SLC24A2: variants seen among roughly 807,000 people sequenced by gnomAD.
SLC24A2 encodes the protein solute carrier family 24 member 2.
SLC24A2 carries 36 observed loss-of-function variants against 62.0 expected under a neutral mutation model. The ratio of observed to expected loss-of-function variants is 0.58; its 90% CI spans 0.44 to 0.77. The LOEUF is 0.77. SLC24A2 is among the 30% of genes least tolerant of loss of function. The pLI, the probability that SLC24A2 is intolerant of heterozygous loss-of-function variation, is 0.00. For synonymous variants in SLC24A2, 358 were observed against 294.0 expected (o/e 1.22, Z -2.23); for missense variants, 846 against 817.9 (o/e 1.03, Z -0.42).
At chr9:19,775,086 G>T (rs1417745887) in intron 2 of SLC24A2, among the ~76,000 whole-genome samples, 1 of 152,192 alleles carries the variant, frequency 6.6e-6, no homozygotes, top group Non-Finnish European at 1.5e-5. Flanking sequence ...TAGTCCTGCT[G>T]ATGCAAAATT....
intron 6 of SLC24A2, among the ~76,000 whole-genome samples, chr9:19,573,811 G>A (rs1835927518): frequency 6.6e-6 from 1 of 152,022 alleles, no homozygotes; most frequent in Non-Finnish European, 1.5e-5. Flanking sequence ...TGCCTTTCTT[G>A]AGCCTAGGCA....
chr9:19,660,434 A>G (rs1362327753), intron 2 of SLC24A2, among the ~76,000 whole-genome samples: 1 of 152,180 alleles, frequency 6.6e-6, no homozygotes, highest in East Asian at 1.9e-4. Context: ...CTCTGGAAAT[A>G]ATTTAAAGTG....
chr9:19,513,794 T>G lies in SLC24A2; in HGVS notation c.*2359A>C, dbSNP rs1413005629. 1.3e-5 allele frequency: 2 copies of G among 152,162 alleles called. No homozygotes were observed. The highest frequency in any genetic ancestry group is 2.9e-5 in the Non-Finnish European group (2 of 68,016). 9.4% of individuals were successfully genotyped at this position (152,162 alleles called of 1,614,324 possible). A position where few individuals can be genotyped will look rare whatever the true frequency, so the allele number is the denominator to read the frequency against. Reference sequence around the variant, plus strand: ...ATATAAAATTCACACAATAACCAACTTGGTTGCCCTTCAAGAAATACACAG... The same window carrying G: ...ATATAAAATTCACACAATAACCAACGTGGTTGCCCTTCAAGAAATACACAG... On this transcript the variant is annotated 3_prime_UTR_variant, in exon 11 of 11. Coordinates refer to ENST00000341998, the MANE Select transcript of SLC24A2 (RefSeq NM_020344.4).
At chr9:19,815,961 T>C in the SLC24A2 span, among the ~76,000 whole-genome samples, 306 of 122,964 alleles carry the variant, frequency 2.5e-3, 2 homozygotes, top group African/African-American at 0.012. Context: ...TTTTGCCCCT[T>C]TTTTTTTTTT....
At chr9:20,226,560 T>C in the SLC24A2 span, among the ~76,000 whole-genome samples, 6 of 152,112 alleles carry the variant, frequency 3.9e-5, no homozygotes, top group East Asian at 1.9e-4. Flanking sequence ...AGAGATGAAT[T>C]GTGTGCCTAC....
intron 2 of SLC24A2, among the ~76,000 whole-genome samples, chr9:19,645,605 A>C (rs1818618516): frequency 6.6e-6 from 1 of 152,134 alleles, no homozygotes; most frequent in Non-Finnish European, 1.5e-5. Flanking sequence ...AGCACTTTCC[A>C]GGTGAGTTCC....
the SLC24A2 span, among the ~76,000 whole-genome samples, chr9:19,945,367 C>G: frequency 2.0e-5 from 3 of 152,006 alleles, no homozygotes; most frequent in Non-Finnish European, 4.4e-5. Context: ...GGGAAGGGCA[C>G]AGCACGCCTG....
chr9:20,212,121 A>G, the SLC24A2 span, among the ~76,000 whole-genome samples: 1 of 149,038 alleles, frequency 6.7e-6, no homozygotes, highest in Non-Finnish European at 1.5e-5. Flanking sequence ...ATGACAAGTG[A>G]TAAAAAGACA....
intron 7 of SLC24A2, among the ~76,000 whole-genome samples, chr9:19,563,108 AAAAAAT>A (rs1301392971): frequency 5.9e-5 from 9 of 152,200 alleles, no homozygotes; most frequent in African/African-American, 1.2e-4. Context: ...CCCAACTCTA[AAAAAAT>A]AAAAATAAAC....
intron 10 of SLC24A2, among the ~76,000 whole-genome samples, chr9:19,518,910 A>C (rs1833061904): frequency 6.6e-6 from 1 of 152,226 alleles, no homozygotes; most frequent in African/African-American, 2.4e-5. Flanking sequence ...TGTACAAGAC[A>C]TGTCAATACC....
chr9:20,038,531 A>T, the SLC24A2 span, among the ~76,000 whole-genome samples: 6 of 152,070 alleles, frequency 3.9e-5, no homozygotes, highest in Non-Finnish European at 5.9e-5. Flanking sequence ...ACACTGCAGA[A>T]ATGCTGAGTG....
At chr9:19,643,267 C>A (rs894419753) in intron 2 of SLC24A2, among the ~76,000 whole-genome samples, 4 of 152,144 alleles carry the variant, frequency 2.6e-5, no homozygotes, top group African/African-American at 9.7e-5. Flanking sequence ...TACGTATAAT[C>A]TCTCTTTCCC....
chr9:19,914,063 G>T, the SLC24A2 span, among the ~76,000 whole-genome samples: 4 of 151,868 alleles, frequency 2.6e-5, no homozygotes, highest in African/African-American at 9.7e-5. Flanking sequence ...CCTCACAGTT[G>T]CCCTTTGTTC....
the SLC24A2 span, among the ~76,000 whole-genome samples, chr9:19,938,414 A>G: frequency 6.6e-6 from 1 of 152,148 alleles, no homozygotes; most frequent in Non-Finnish European, 1.5e-5. Flanking sequence ...AATAGTTTTA[A>G]CTACCATTTG....
At chr9:19,824,231 C>G in the SLC24A2 span, among the ~76,000 whole-genome samples, 1 of 152,260 alleles carries the variant, frequency 6.6e-6, no homozygotes, top group Admixed American at 6.5e-5. Context: ...TCAGAGTGAA[C>G]AGGCAACCTA....
At chr9:19,561,501 C>G (rs1835400638) in intron 7 of SLC24A2, among the ~76,000 whole-genome samples, 1 of 137,598 alleles carries the variant, frequency 7.3e-6, no homozygotes, top group East Asian at 2.2e-4. Context: ...GTGGTGTGAT[C>G]TCGGCTCACT....
the SLC24A2 span, among the ~76,000 whole-genome samples, chr9:20,084,716 C>T: frequency 6.6e-6 from 1 of 152,116 alleles, no homozygotes; most frequent in Non-Finnish European, 1.5e-5. Flanking sequence ...TATTTCTATG[C>T]AACTCATTCA....
At chr9:19,790,785 A>G (rs538496735), upstream of SLC24A2, among the ~76,000 whole-genome samples, 1 of 152,252 alleles carries the variant, frequency 6.6e-6, no homozygotes, top group Admixed American at 6.5e-5. Flanking sequence ...CTACTTTCCT[A>G]GTTTAACAAT....
intron 2 of SLC24A2, among the ~76,000 whole-genome samples, chr9:19,727,766 A>C (rs546973267): frequency 3.5e-4 from 54 of 152,280 alleles, no homozygotes; most frequent in African/African-American, 1.3e-3. Context: ...ATAGTAATTT[A>C]CCTTACATCC....
Sources: allele counts gnomAD v4.1 joint callset (sites outside exome capture counted in the v4.1 genomes callset), GRCh38; gene constraint gnomAD v4.1.1; transcripts MANE v1.5; gene names NCBI Gene and HGNC (gene_info 2026-07-23, HGNC 2026-07-21).